LPA: variants seen among roughly 807,000 people sequenced by gnomAD.
LPA encodes apolipoprotein(a).
In LPA, 199 loss-of-function variants were observed where a neutral mutation model predicts 197.9. The ratio of observed to expected loss-of-function variants is 1.01; its 90% CI spans 0.90 to 1.13. LPA has a LOEUF of 1.13. Ranked by LOEUF, LPA falls within the 50% of genes most tolerant of loss-of-function variation. The pLI, the probability that LPA is intolerant of heterozygous loss-of-function variation, is 0.00. For synonymous variants in LPA, 715 were observed against 639.5 expected (o/e 1.12, Z -1.78); for missense variants, 1,853 against 1,785.8 (o/e 1.04, Z -0.68).
At chr6:160,588,716 C>A (rs111681430) in intron 24 of LPA, among the ~76,000 whole-genome samples, 1 of 152,158 alleles carries the variant, frequency 6.6e-6, no homozygotes, top group Non-Finnish European at 1.5e-5. Context: ...GCATCGCAGA[C>A]TCCAGTCTCT....
At chr6:160,565,241 C>G (rs1778430663) in intron 28 of LPA, among the ~76,000 whole-genome samples, 1 of 152,164 alleles carries the variant, frequency 6.6e-6, no homozygotes, top group African/African-American at 2.4e-5. Context: ...GGGTCCGTGA[C>G]CCCCGAGTAG....
chr6:160,585,136 A>G lies in LPA; in HGVS notation c.4199T>C (p.Leu1400Pro). 11 of 1,613,822 alleles carry G rather than the reference A, an allele frequency of 6.8e-6. No individual in the cohort carries two copies. Among genetic ancestry groups the G allele is most frequent in the Non-Finnish European group, 9.3e-6 (11 of 1,179,812 alleles). ...TGTTCTTCCTGTGATAGTGGTGGAG[A>G]GTGTGCCTCGATAACTCTGTCCATC... The part of the protein sequence containing the change: ...RGDGQSYRGT[L>P]STTITGRTCQ... Residue 1400 changes from leucine (L) to proline (P), a missense_variant, in exon 26 of 39, where the codon CTC becomes CCC. Leu to Pro is a moderately conservative substitution (Grantham distance 98). Coordinates refer to ENST00000316300, the MANE Select transcript of LPA (RefSeq NM_005577.4).
chr6:160,590,940 T>C lies in LPA; in HGVS notation c.3787+4A>G, dbSNP rs1779016004. 6.2e-7 allele frequency: 1 copy of C among 1,613,940 alleles called. No individual in the cohort carries two copies. The highest frequency in any genetic ancestry group is 1.1e-5 in the South Asian group (1 of 91,082). ...GTGTGGTTGTCTGGCCAGAGACTTC[T>C]TACCTTGTTCAGAAACAGCCGTGGA... On this transcript the variant is annotated splice_donor_region_variant and intron_variant, in intron 23 of 38. Coordinates refer to ENST00000316300, the MANE Select transcript of LPA (RefSeq NM_005577.4).
intron 33 of LPA, among the ~76,000 whole-genome samples, chr6:160,543,012 A>G (rs1778006688): frequency 1.3e-5 from 2 of 152,264 alleles, no homozygotes; most frequent in Non-Finnish European, 2.9e-5. Context: ...TCAAGGAAAT[A>G]TAAGTTCTTT....
At chr6:160,611,086 G>C (rs929535930) in intron 16 of LPA, among the ~76,000 whole-genome samples, 4 of 152,078 alleles carry the variant, frequency 2.6e-5, no homozygotes, top group Admixed American at 2.0e-4. Context: ...AGGACCAAGA[G>C]ATTTTCTCCC....
chr6:160,552,303 C>A (rs967668725), intron 30 of LPA, among the ~76,000 whole-genome samples: 34 of 152,050 alleles, frequency 2.2e-4, no homozygotes, highest in African/African-American at 8.2e-4. Context: ...AGGACTGTTG[C>A]AATAGTGCTT....
chr6:160,535,961 C>T (rs1445705532), intron 37 of LPA, among the ~76,000 whole-genome samples: 3 of 152,114 alleles, frequency 2.0e-5, no homozygotes, highest in African/African-American at 7.2e-5. Flanking sequence ...TCCCATAATC[C>T]TCTTGAAGGA....
At chr6:160,592,183 T>C (rs1004696225) in intron 22 of LPA, among the ~76,000 whole-genome samples, 1 of 152,208 alleles carries the variant, frequency 6.6e-6, no homozygotes, top group African/African-American at 2.4e-5. Context: ...TTTTCCTAGA[T>C]GTCCTTGAGG....
chr6:160,611,793 C>G, intron 15 of LPA, 72 bp from the exon 16 acceptor site: 2 of 1,193,412 alleles, frequency 1.7e-6, no homozygotes, highest in South Asian at 2.8e-5. Context: ...ATTTATGACA[C>G]AACCAGAAAG....
chr6:160,585,792 C>A (rs1344805037), intron 25 of LPA, among the ~76,000 whole-genome samples: 1 of 151,968 alleles, frequency 6.6e-6, no homozygotes. Flanking sequence ...GCCCAGGATC[C>A]CTCATTACAA....
chr6:160,587,780 T>C lies in LPA; in HGVS notation c.3948-1150A>G, dbSNP rs190606383. On this transcript the variant is annotated intron_variant, in intron 24 of 38. Transcript: ENST00000316300. ...GTGTGTGTGTGTGTGTGTGTGTGTG[T>C]GTGTGTGTGTGTGTGTGTGTTTCTG... Among the ~76,000 whole-genome samples, 896 of 121,926 alleles carry C rather than the reference T, an allele frequency of 7.3e-3. 9 individuals carry two copies. Among genetic ancestry groups the C allele is most frequent in the Admixed American group, 0.019 (250 of 13,314 alleles). The allele number at this position is 121,926 out of a possible 152,430, so 80.0% of individuals were successfully genotyped here. A position where few individuals can be genotyped will look rare whatever the true frequency, so the allele number is the denominator to read the frequency against.
intron 25 of LPA, 53 bp from the exon 26 acceptor site, chr6:160,585,258 GA>G: frequency 6.3e-7 from 1 of 1,581,880 alleles, no homozygotes; most frequent in Non-Finnish European, 8.7e-7. Context: ...AGGGAAATGT[GA>G]AAAAAATTAT....
chr6:160,590,800 C>G (rs948800183), intron 23 of LPA, 144 bp downstream of exon 23: 4 of 1,141,824 alleles, frequency 3.5e-6, no homozygotes, highest in Non-Finnish European at 5.1e-6. Flanking sequence ...CCAGAGAAGG[C>G]GCTGAGGCTT....
chr6:160,611,654 T>A lies in LPA; in HGVS notation c.2511A>T (p.Thr837=), dbSNP rs754984307. 2 of 1,567,114 alleles carry A rather than the reference T, an allele frequency of 1.3e-6. No homozygotes were observed. The highest frequency in any genetic ancestry group is 2.2e-5 in the South Asian group (2 of 89,832). ...YHGNGQSYRG[T]YSTTVTGRTC... ...TTCTTCCAGTGACAGTGGTGGAGTATGTGCCTCGATAACTCTGTCCATTAC... is the reference window on the plus strand; with the variant it reads ...TTCTTCCAGTGACAGTGGTGGAGTAAGTGCCTCGATAACTCTGTCCATTAC... Residue 837 remains threonine (T), a synonymous_variant, in exon 16 of 39, where the codon ACA becomes ACT. Transcript: ENST00000316300.
At chr6:160,650,253 CA>C in intron 2 of LPA, 84 bp downstream of exon 2, 9 of 1,382,906 alleles carry the variant, frequency 6.5e-6, no homozygotes, top group Non-Finnish European at 9.2e-6. Context: ...AAAATTTAAT[CA>C]TAAGAAGTTA....
At chr6:160,610,035 T>C (rs1562344007) in intron 16 of LPA, among the ~76,000 whole-genome samples, 1 of 152,156 alleles carries the variant, frequency 6.6e-6, no homozygotes, top group Non-Finnish European at 1.5e-5. Context: ...TTGTTGCACT[T>C]TTTTTAAATA....
chr6:160,584,237 T>TTCTTCTTCTTCC lies in LPA; in HGVS notation c.4289+808_4289+809insGGAAGAAGAAGA, dbSNP rs1554235539. ...CTTCTTCTTCTTCTTCTTCTTCTTCTTCCTCCTCCTCCTCCTCCTCCTCTT... is the reference window on the plus strand; with the variant it reads ...CTTCTTCTTCTTCTTCTTCTTCTTCTTCTTCTTCTTCCTCCTCCTCCTCCTCCTCCTCCTCTT... On this transcript the variant is annotated intron_variant, in intron 26 of 38. Coordinates refer to ENST00000316300, the MANE Select transcript of LPA (RefSeq NM_005577.4). Among the ~76,000 whole-genome samples the TTCTTCTTCTTCC allele has an allele frequency of 2.8e-3, 197 of 69,328 alleles. 1 individual carries two copies. The highest frequency in any genetic ancestry group is 5.8e-3 in the African/African-American group (113 of 19,330). 45.5% of individuals were successfully genotyped at this position (69,328 alleles called of 152,430 possible).
chr6:160,593,340 T>C (rs1251502556), intron 22 of LPA, among the ~76,000 whole-genome samples: 1 of 152,220 alleles, frequency 6.6e-6, no homozygotes, highest in East Asian at 1.9e-4. Flanking sequence ...TAGTCCTTCA[T>C]GGCAGAAACG....
At chr6:160,564,001 G>T (rs935628392) in intron 28 of LPA, among the ~76,000 whole-genome samples, 1 of 151,986 alleles carries the variant, frequency 6.6e-6, no homozygotes, top group Non-Finnish European at 1.5e-5. Context: ...AAACCAATGG[G>T]TCTTGACTCT....
Sources: gnomAD v4.1 joint callset for allele counts (sites outside exome capture counted in the v4.1 genomes callset) on GRCh38, gnomAD v4.1.1 for gene constraint, MANE v1.5 for transcripts, NCBI Gene and HGNC (gene_info 2026-07-23, HGNC 2026-07-21) for gene names.